The following IL1RAPL2 variants were observed in gnomAD, a reference collection of about 807,000 sequenced individuals.
IL1RAPL2 encodes the protein interleukin 1 receptor accessory protein like 2, also known as X-linked interleukin-1 receptor accessory protein-like 2.
In IL1RAPL2, 3 loss-of-function variants were observed where a neutral mutation model predicts 44.1. The observed-to-expected ratio is 0.07, with a 90% CI of 0.03 to 0.18. IL1RAPL2 has a LOEUF of 0.18. Ranked by LOEUF, IL1RAPL2 falls within the 10% of genes least tolerant of loss-of-function variation. The probability of loss-of-function intolerance (pLI) is 1.00; values close to 1 mark genes in which losing one functional copy is unlikely to be tolerated. For missense variants in IL1RAPL2, 391 were observed against 496.4 expected, an observed-to-expected ratio of 0.79 and a Z score of 2.02; for synonymous variants, 181 against 178.8, an observed-to-expected ratio of 1.01 and a Z score of -0.10.
chrX:104,759,182 G>A (rs2385677), intron 2 of IL1RAPL2, among the ~76,000 whole-genome samples: 60,845 of 111,356 alleles, frequency 0.55, 13,005 homozygotes, highest in African/African-American at 0.81. Context: ...GCCTAGAACT[G>A]GACTTGAGAT....
At chrX:104,929,180 G>A (rs769435509) in intron 2 of IL1RAPL2, among the ~76,000 whole-genome samples, 2 of 111,637 alleles carry the variant, frequency 1.8e-5, no homozygotes, top group South Asian at 7.6e-4. Flanking sequence ...CTTAGCAAAT[G>A]TGGCACTGAC....
intron 2 of IL1RAPL2, among the ~76,000 whole-genome samples, chrX:104,914,812 G>A (rs951953037): frequency 7.3e-5 from 8 of 110,216 alleles, no homozygotes; most frequent in Admixed American, 1.9e-4. Context: ...GAGAACATGC[G>A]GTGTTTGGTT....
intron 2 of IL1RAPL2, among the ~76,000 whole-genome samples, chrX:104,941,018 C>T (rs1366517391): frequency 2.7e-5 from 3 of 109,223 alleles, no homozygotes; most frequent in African/African-American, 1.0e-4. Flanking sequence ...CATGTCCCTA[C>T]AAAGGACATG....
chrX:105,350,452 G>A (rs191022807), intron 5 of IL1RAPL2, among the ~76,000 whole-genome samples: 1 of 112,624 alleles, frequency 8.9e-6, no homozygotes, highest in African/African-American at 3.2e-5. Context: ...GGTTGGGCAT[G>A]GTGGCTCACG....
chrX:105,232,559 CA>C (rs1422204700), intron 3 of IL1RAPL2, among the ~76,000 whole-genome samples: 5 of 112,096 alleles, frequency 4.5e-5, no homozygotes, highest in Non-Finnish European at 9.4e-5. Context: ...ATAGTGTTAT[CA>C]GGCTGCTTCT....
At chrX:104,987,342 A>G (rs977217157) in intron 2 of IL1RAPL2, among the ~76,000 whole-genome samples, 3 of 110,203 alleles carry the variant, frequency 2.7e-5, no homozygotes, top group Non-Finnish European at 5.7e-5. Context: ...CATATACCCA[A>G]GGTAATGTCA....
intron 6 of IL1RAPL2, among the ~76,000 whole-genome samples, chrX:105,518,351 A>G (rs1344742820): frequency 9.0e-6 from 1 of 111,474 alleles, no homozygotes; most frequent in Non-Finnish European, 1.9e-5. Flanking sequence ...ATAAAGTGCT[A>G]TACAAATGTA....
At chrX:104,639,876 TAA>T (rs1929899861) in intron 1 of IL1RAPL2, among the ~76,000 whole-genome samples, 1 of 112,034 alleles carries the variant, frequency 8.9e-6, no homozygotes, top group Non-Finnish European at 1.9e-5. Flanking sequence ...AATTTTCTTA[TAA>T]ATGACTAGAT....
intron 5 of IL1RAPL2, among the ~76,000 whole-genome samples, chrX:105,407,916 T>A (rs1307068119): frequency 8.9e-6 from 1 of 112,353 alleles, no homozygotes; most frequent in Non-Finnish European, 1.9e-5. Flanking sequence ...CATAGGAAGA[T>A]ACTTCAAAAC....
At chrX:105,603,223 AGACT>A (rs2037266850) in intron 6 of IL1RAPL2, among the ~76,000 whole-genome samples, 3 of 106,705 alleles carry the variant, frequency 2.8e-5, no homozygotes, top group Middle Eastern at 5.0e-3. Flanking sequence ...TAAAAGATGT[AGACT>A]GACTGAATGG....
intron 2 of IL1RAPL2, among the ~76,000 whole-genome samples, chrX:104,673,907 A>G (rs1250327253): frequency 9.2e-6 from 1 of 109,238 alleles, no homozygotes; most frequent in East Asian, 2.9e-4. Flanking sequence ...TTTGTCTGTT[A>G]TTGGTGTATA....
intron 6 of IL1RAPL2, among the ~76,000 whole-genome samples, chrX:105,675,326 G>A (rs1217994714): frequency 9.0e-6 from 1 of 111,165 alleles, no homozygotes; most frequent in East Asian, 2.8e-4. Context: ...TGATTTTGAA[G>A]TATGTTCCTT....
At chrX:104,904,436 A>G (rs937657842) in intron 2 of IL1RAPL2, among the ~76,000 whole-genome samples, 2 of 90,609 alleles carry the variant, frequency 2.2e-5, no homozygotes, top group African/African-American at 8.0e-5. Context: ...ATATCTCCCA[A>G]TGCTATCCCT....
At chrX:105,520,842 A>G (rs1188049963) in intron 6 of IL1RAPL2, among the ~76,000 whole-genome samples, 2 of 108,078 alleles carry the variant, frequency 1.9e-5, no homozygotes, top group Non-Finnish European at 3.8e-5. Context: ...GTTAAGCCAG[A>G]TATTTTTTCT....
At chrX:105,365,573 G>A (rs752113115) in intron 5 of IL1RAPL2, among the ~76,000 whole-genome samples, 2 of 111,008 alleles carry the variant, frequency 1.8e-5, no homozygotes, top group Admixed American at 1.9e-4. Flanking sequence ...TTCAATATCC[G>A]TACTCAGTAA....
At chrX:105,325,233 ATCTCTTTTCTG>A (rs2034926861) in intron 5 of IL1RAPL2, among the ~76,000 whole-genome samples, 1 of 110,001 alleles carries the variant, frequency 9.1e-6, no homozygotes. Flanking sequence ...GCTACCACTA[ATCTCTTTTCTG>A]TCTCTATACA....
chrX:104,970,467 TCA>T (rs1256155949), intron 2 of IL1RAPL2, among the ~76,000 whole-genome samples: 1 of 111,897 alleles, frequency 8.9e-6, no homozygotes, highest in African/African-American at 3.2e-5. Flanking sequence ...GGCAGTGTGC[TCA>T]GGGCATGGGC....
chrX:104,825,723 G>T (rs1395813937), intron 2 of IL1RAPL2, among the ~76,000 whole-genome samples: 1 of 112,083 alleles, frequency 8.9e-6, no homozygotes, highest in Non-Finnish European at 1.9e-5. Context: ...TATATTATCA[G>T]TTGCAGATAT....
intron 2 of IL1RAPL2, among the ~76,000 whole-genome samples, chrX:105,096,824 A>G (rs1266143812): frequency 8.9e-6 from 1 of 112,253 alleles, no homozygotes; most frequent in Non-Finnish European, 1.9e-5. Context: ...CACACTTTAA[A>G]CATACAAATT....
Sources: gnomAD v4.1 joint callset for allele counts (sites outside exome capture counted in the v4.1 genomes callset) on GRCh38, gnomAD v4.1.1 for gene constraint, MANE v1.5 for transcripts, NCBI Gene and HGNC (gene_info 2026-07-23, HGNC 2026-07-21) for gene names.